Variants in CSMD1 observed in about 807,000 individuals in gnomAD.
CSMD1 encodes CUB and Sushi multiple domains 1, also known as CUB and sushi domain-containing protein 1.
A neutral mutation model predicts 417.5 loss-of-function variants in CSMD1; 213 were observed. The ratio of observed to expected loss-of-function variants is 0.51; its 90% CI spans 0.46 to 0.57. CSMD1 has a LOEUF of 0.57. Ranked by LOEUF, CSMD1 falls within the 20% of genes least tolerant of loss-of-function variation. The pLI is 0.00. For synonymous variants in CSMD1, 2,862 were observed against 1,736.8 expected, an observed-to-expected ratio of 1.65 and a Z score of -16.11; for missense variants, 6,923 against 4,529.7, an observed-to-expected ratio of 1.53 and a Z score of -15.17.
At chr8:4,784,345 T>C (rs753229719) in intron 1 of CSMD1, among the ~76,000 whole-genome samples, 1 of 152,158 alleles carries the variant, frequency 6.6e-6, no homozygotes, top group African/African-American at 2.4e-5. Flanking sequence ...TCTAGGAAAA[T>C]TCCCCCTGCA....
intron 7 of CSMD1, among the ~76,000 whole-genome samples, chr8:3,651,794 C>A (rs559208251): frequency 6.6e-6 from 1 of 151,570 alleles, no homozygotes; most frequent in African/African-American, 2.4e-5. Context: ...GAGCACCCAC[C>A]ACCATCGCAC....
chr8:3,418,903 A>G (rs1471942982), intron 12 of CSMD1, among the ~76,000 whole-genome samples: 1 of 152,228 alleles, frequency 6.6e-6, no homozygotes. Context: ...CAAGGTAGTA[A>G]TGAGAAGCAC....
intron 41 of CSMD1, chr8:3,128,393 T>C (rs559035945): frequency 6.5e-6 from 1 of 154,484 alleles, no homozygotes; most frequent in African/African-American, 2.4e-5. Context: ...GACAGCTACG[T>C]CTATAGTAAC....
chr8:4,802,351 G>A (rs564162302), intron 1 of CSMD1, among the ~76,000 whole-genome samples: 209 of 133,842 alleles, frequency 1.6e-3, no homozygotes, highest in Non-Finnish European at 2.5e-3. Flanking sequence ...GTGTGTGCGC[G>A]CGTGTGTGTG....
intron 10 of CSMD1, among the ~76,000 whole-genome samples, chr8:3,511,520 C>A (rs949570557): frequency 1.3e-5 from 2 of 151,492 alleles, no homozygotes; most frequent in African/African-American, 2.4e-5. Flanking sequence ...TTTGGGAGGC[C>A]GAGGCAGGTA....
At position 3,851,623 on chromosome 8, in the gene CSMD1, A is replaced by C. The variant is rs140180619; in HGVS notation, c.819-97581T>G. Among the ~76,000 whole-genome samples the C allele has an allele frequency of 2.6e-5, 4 of 152,336 alleles. No homozygotes were observed. The East Asian group carries it at 7.7e-4, about 29-fold the overall frequency. ...CTCTACTTTCACTGGAGAAAAAAAC[A>C]TCCATTGCTAACTTAAGCTTTAGGT... On this transcript the variant is annotated intron_variant, in intron 5 of 69. Coordinates refer to ENST00000635120, the MANE Select transcript of CSMD1 (RefSeq NM_033225.6).
At chr8:3,839,569 T>C (rs1360969029) in intron 5 of CSMD1, among the ~76,000 whole-genome samples, 3 of 114,448 alleles carry the variant, frequency 2.6e-5, no homozygotes, top group Admixed American at 1.2e-4. Flanking sequence ...TAATATATAA[T>C]ATTAATTTAT....
intron 1 of CSMD1, among the ~76,000 whole-genome samples, chr8:4,939,365 T>G (rs1807829551): frequency 6.6e-6 from 1 of 152,232 alleles, no homozygotes; most frequent in South Asian, 2.1e-4. Context: ...CTAGCAGCAC[T>G]ATTCATTAAT....
At chr8:3,924,124 G>T (rs552784480) in intron 5 of CSMD1, among the ~76,000 whole-genome samples, 4 of 152,260 alleles carry the variant, frequency 2.6e-5, no homozygotes, top group African/African-American at 9.6e-5. Flanking sequence ...GGGAAAATCT[G>T]TATCTCTCCA....
intron 47 of CSMD1, among the ~76,000 whole-genome samples, chr8:3,095,403 A>C (rs979491063): frequency 1.3e-5 from 2 of 152,114 alleles, no homozygotes; most frequent in Admixed American, 1.3e-4. Context: ...TACTCTACAG[A>C]CTAAAGAAAA....
chr8:3,011,366 G>A (rs1439258474), intron 52 of CSMD1, among the ~76,000 whole-genome samples: 1 of 151,770 alleles, frequency 6.6e-6, no homozygotes, highest in Admixed American at 6.6e-5. Context: ...TTTCTGCTCT[G>A]CTGTGATATA....
Position 4,869,407 on chromosome 8 carries a change from G to C in CSMD1, c.85+124925C>G, listed in dbSNP as rs1034634261. Among the ~76,000 whole-genome samples, 26 of 151,940 alleles carry C rather than the reference G, an allele frequency of 1.7e-4. 1 individual carries two copies. Among genetic ancestry groups the C allele is most frequent in the African/African-American group, 6.3e-4 (26 of 41,326 alleles). On this transcript the variant is annotated intron_variant, in intron 1 of 69. Coordinates refer to ENST00000635120, the MANE Select transcript of CSMD1 (RefSeq NM_033225.6). ...CGAATTTCATAACTTTGAGTTACTT[G>C]ACTTTCACTTACCAAATATTTGGTA... is the stretch of plus-strand genomic sequence containing the variant.
At chr8:4,836,075 T>C (rs1451056118) in intron 1 of CSMD1, among the ~76,000 whole-genome samples, 3 of 152,176 alleles carry the variant, frequency 2.0e-5, no homozygotes, top group African/African-American at 4.8e-5. Context: ...ATATTGGACA[T>C]ACACAAGTAA....
chr8:4,866,782 G>C (rs1802444799), intron 1 of CSMD1, among the ~76,000 whole-genome samples: 1 of 151,858 alleles, frequency 6.6e-6, no homozygotes, highest in African/African-American at 2.4e-5. Flanking sequence ...CAAGGTAATG[G>C]ACGAAAAGCA....
chr8:3,244,274 T>C (rs766754168), intron 26 of CSMD1, among the ~76,000 whole-genome samples: 7 of 152,168 alleles, frequency 4.6e-5, no homozygotes, highest in Non-Finnish European at 8.8e-5. Flanking sequence ...GTCAGTAGCC[T>C]GCGAAGCTCC....
chr8:4,170,410 A>C (rs1797705609), intron 3 of CSMD1, among the ~76,000 whole-genome samples: 1 of 151,938 alleles, frequency 6.6e-6, no homozygotes, highest in South Asian at 2.1e-4. Context: ...AAGCATATGC[A>C]TGTATACCTT....
At chr8:3,063,036 G>A (rs17079236) in intron 49 of CSMD1, among the ~76,000 whole-genome samples, 2,285 of 152,128 alleles carry the variant, frequency 0.015, 23 homozygotes, top group East Asian at 0.038. Context: ...ACTCTGATTC[G>A]GATGCCAACC....
intron 2 of CSMD1, among the ~76,000 whole-genome samples, chr8:4,614,934 G>C (rs1402517434): frequency 6.6e-6 from 1 of 152,094 alleles, no homozygotes; most frequent in Admixed American, 6.5e-5. Flanking sequence ...TTTCAAATAT[G>C]TTATGAATTT....
intron 3 of CSMD1, among the ~76,000 whole-genome samples, chr8:4,059,976 C>T (rs546048200): frequency 5.5e-4 from 84 of 152,178 alleles, no homozygotes; most frequent in African/African-American, 1.8e-3. Context: ...CAAAGCCGGG[C>T]AGAGACACAG....
Sources: allele counts gnomAD v4.1 joint callset (sites outside exome capture counted in the v4.1 genomes callset), GRCh38; gene constraint gnomAD v4.1.1; transcripts MANE v1.5; gene names NCBI Gene and HGNC (gene_info 2026-07-23, HGNC 2026-07-21).